The following BIRC6 variants were observed in gnomAD, a reference collection of about 807,000 sequenced individuals.
BIRC6 encodes baculoviral IAP repeat containing 6.
In BIRC6, 98 loss-of-function variants were observed where a neutral mutation model predicts 503.3. The ratio of observed to expected loss-of-function variants is 0.19; its 90% confidence interval spans 0.17 to 0.23. The LOEUF (loss-of-function observed/expected upper bound fraction) is 0.23. BIRC6 is among the 10% of genes least tolerant of loss of function. The pLI is 1.00. For missense variants in BIRC6, 5,360 were observed against 5,806.0 expected (o/e 0.92, Z 2.50); for synonymous variants, 2,240 against 2,078.7 (o/e 1.08, Z -2.11).
intron 65 of BIRC6, chr2:32,557,785 G>C (rs544347104): frequency 3.9e-5 from 6 of 152,182 alleles, no homozygotes; most frequent in Non-Finnish European, 8.8e-5. Context: ...AGTCAAGATA[G>C]ATTCTTCTTT....
intron 28 of BIRC6, 64 bp downstream of exon 28, chr2:32,468,175 T>C: frequency 1.3e-6 from 2 of 1,491,058 alleles, no homozygotes; most frequent in Admixed American, 3.9e-5. Flanking sequence ...GTCTTGCTTA[T>C]AATTCTGTCA....
At chr2:32,561,432 G>A in intron 65 of BIRC6, among the ~76,000 whole-genome samples, 1 of 151,398 alleles carries the variant, frequency 6.6e-6, no homozygotes, top group East Asian at 2.0e-4. Flanking sequence ...TAGAGGCTGG[G>A]TTTCACCATG....
intron 40 of BIRC6, among the ~76,000 whole-genome samples, chr2:32,486,740 A>G (rs1047849191): frequency 9.2e-5 from 14 of 152,170 alleles, no homozygotes; most frequent in Admixed American, 3.3e-4. Context: ...TCAGTCTGCA[A>G]TCTTCATTTG....
chr2:32,522,759 C>T (rs1339983547), intron 57 of BIRC6: 10 of 152,292 alleles, frequency 6.6e-5, no homozygotes, highest in South Asian at 2.1e-4. Flanking sequence ...TGCTACTTTT[C>T]GATAGTACCT....
At chr2:32,450,794 C>T (rs575794622) in intron 22 of BIRC6, among the ~76,000 whole-genome samples, 1 of 152,110 alleles carries the variant, frequency 6.6e-6, no homozygotes, top group Admixed American at 6.5e-5. Context: ...TACACACATC[C>T]TGCTGTGTGC....
rs745896919 is a variant in BIRC6 at position 32,508,130 on chromosome 2, G to A, written c.9851G>A (p.Arg3284His). 5.6e-6 allele frequency: 9 copies of A among 1,613,666 alleles called. No individual in the cohort carries two copies. The highest frequency in any genetic ancestry group is 7.6e-6 in the Non-Finnish European group (9 of 1,179,872). Residue 3284 changes from arginine (R) to histidine (H), a missense_variant, in exon 51 of 74, where the codon CGT becomes CAT. Around this residue, in one of 16 missense-constraint regions of BIRC6, gnomAD observed 62 missense variants for 107.4 expected, o/e 0.58. Transcript: ENST00000421745. ...VASAVCLRLHRPRDASTLGLS... is the reference protein window; with the variant it reads ...VASAVCLRLHHPRDASTLGLS... ...TCTGCTGTCTGCCTTAGACTACATCGTCCACGGGATGCCAGCACATTAGGC... is the reference window on the plus strand; with the variant it reads ...TCTGCTGTCTGCCTTAGACTACATCATCCACGGGATGCCAGCACATTAGGC...
At chr2:32,485,058 T>G (rs1404085672) in intron 39 of BIRC6, among the ~76,000 whole-genome samples, 2 of 152,228 alleles carry the variant, frequency 1.3e-5, no homozygotes, top group Non-Finnish European at 2.9e-5. Flanking sequence ...AATTAGTCAC[T>G]TCTTAAAGGA....
At chr2:32,598,577 T>A (rs181013934) in intron 69 of BIRC6, among the ~76,000 whole-genome samples, 5 of 152,164 alleles carry the variant, frequency 3.3e-5, no homozygotes, top group Non-Finnish European at 7.3e-5. Flanking sequence ...ATTCCAAGAG[T>A]CTGCTGCATC....
rs1375594738 is a variant in BIRC6 at position 32,505,139 on chromosome 2, A to G, written c.9634A>G (p.Ile3212Val). The change falls in exon 50 of 74, where the codon ATT (isoleucine) becomes GTT (valine). Residue 3212 changes from isoleucine (I) to valine (V), a missense_variant. By Grantham distance (29) the Ile-to-Val change is conservative. Around this residue, in one of 16 missense-constraint regions of BIRC6, gnomAD observed 267 missense variants for 287.6 expected, o/e 0.93. Transcript: ENST00000421745. ...AGAGGAGGCTTGGTGTGACCTTACC[A>G]TTCACCTTCCTGCAGCAGTGCTGCT... ...LPEEAWCDLT[I>V]HLPAAVLLKE... The G allele has an allele frequency of 3.1e-6, 5 of 1,603,618 alleles. No individual in the cohort carries two copies. The highest frequency in any genetic ancestry group is 2.2e-5 in the South Asian group (2 of 89,182).
intron 23 of BIRC6, among the ~76,000 whole-genome samples, chr2:32,455,152 G>T (rs962066244): frequency 6.6e-6 from 1 of 152,018 alleles, no homozygotes; most frequent in Admixed American, 6.6e-5. Flanking sequence ...GCCAAGGTGG[G>T]CGGATCATGA....
intron 66 of BIRC6, among the ~76,000 whole-genome samples, chr2:32,587,920 G>A (rs1194919396): frequency 1.3e-5 from 2 of 152,078 alleles, no homozygotes; most frequent in Non-Finnish European, 2.9e-5. Context: ...TTCTAGTCAC[G>A]TCTAATTACT....
chr2:32,497,293 G>A (rs2052591421), intron 45 of BIRC6, among the ~76,000 whole-genome samples: 1 of 152,214 alleles, frequency 6.6e-6, no homozygotes, highest in Admixed American at 6.5e-5. Flanking sequence ...ATCGGCATAT[G>A]CCACTACACC....
rs2054887003 is a variant in BIRC6, at chr2:32,515,085, A to G, written c.10664A>G (p.Asn3555Ser). The G allele has an allele frequency of 2.5e-6, 4 of 1,613,958 alleles. No homozygotes were observed. Among genetic ancestry groups the G allele is most frequent in the Admixed American group, 1.7e-5 (1 of 60,016 alleles). The change falls in exon 55 of 74, where the codon AAC becomes AGC. Residue 3555 changes from asparagine to serine, a missense_variant. Asn to Ser is a conservative substitution (Grantham distance 46). This residue lies in a region of BIRC6 where 878 missense variants were observed against 928.9 expected (regional missense o/e 0.95). Coordinates refer to ENST00000421745, the MANE Select transcript of BIRC6 (RefSeq NM_016252.4). ...TGCTCAATGTGTCACGTACACCCAA[A>G]CTATTTTTCTTTGCTCATGGGCTGG... ...LLCSMCHVHP[N>S]YFSLLMGWMG...
Position 32,429,271 on chromosome 2 carries a change from A to G in BIRC6, c.2998A>G (p.Asn1000Asp). 4 of 1,528,650 alleles carry G rather than the reference A, an allele frequency of 2.6e-6. No homozygotes were observed. The highest frequency in any genetic ancestry group is 2.5e-5 in the East Asian group (1 of 40,598). 94.7% of individuals were successfully genotyped at this position (1,528,650 alleles called of 1,614,324 possible). A position where few individuals can be genotyped will look rare whatever the true frequency, so the allele number is the denominator to read the frequency against. ...TTCAGAAGGTTCCAAACCTTTATCA[A>G]ATCCTTCAAGTCCTGGCATTTCAGG... ...PSSEGSKPLS[N>D]PSSPGISGVD... The change falls in exon 11 of 74, where the codon AAT becomes GAT. Residue 1000 changes from asparagine (N) to aspartate (D), a missense_variant. This residue lies in a region of BIRC6 where 700 missense variants were observed against 739.3 expected (regional missense o/e 0.95). Transcript: ENST00000421745.
intron 66 of BIRC6, among the ~76,000 whole-genome samples, chr2:32,588,619 T>C (rs2061213517): frequency 6.6e-6 from 1 of 152,194 alleles, no homozygotes; most frequent in Admixed American, 6.5e-5. Flanking sequence ...AAAGGATTTA[T>C]GCAGCAGTAC....
chr2:32,357,558 C>G lies in BIRC6; in HGVS notation c.325+72C>G. 1 of 1,502,432 alleles carries G rather than the reference C, an allele frequency of 6.7e-7. No individual in the cohort carries two copies. The highest frequency in any genetic ancestry group is 8.8e-7 in the Non-Finnish European group (1 of 1,130,198). The allele number at this position is 1,502,432 out of a possible 1,614,324, so 93.1% of individuals were successfully genotyped here. ...CGTCCAGCCCCGGGGCTCGGCCTCG[C>G]GACTCGGGGAAGCGAGATGGCGAGA... On this transcript the variant is annotated intron_variant, in intron 1 of 73. Transcript: ENST00000421745. This position sits in a 1 kb window ranked among gnomAD's most constrained non-coding sequence, Gnocchi z 4.9.
At chr2:32,364,308 T>G (rs761219373) in intron 1 of BIRC6, among the ~76,000 whole-genome samples, 2 of 152,112 alleles carry the variant, frequency 1.3e-5, no homozygotes, top group African/African-American at 2.4e-5. Flanking sequence ...TAGGCTGGAG[T>G]GCAATGGCGC....
At chr2:32,482,080 C>T (rs1465020887) in intron 38 of BIRC6, among the ~76,000 whole-genome samples, 7 of 152,194 alleles carry the variant, frequency 4.6e-5, no homozygotes, top group East Asian at 1.9e-4. Flanking sequence ...AAACTTCATC[C>T]GAGCTGTGTT....
intron 1 of BIRC6, among the ~76,000 whole-genome samples, chr2:32,360,920 A>G (rs1216418253): frequency 6.6e-6 from 1 of 151,530 alleles, no homozygotes; most frequent in African/African-American, 2.4e-5. Flanking sequence ...GTATATATTT[A>G]TTTATTATTA....
Sources: gnomAD v4.1 joint callset for allele counts (sites outside exome capture counted in the v4.1 genomes callset) on GRCh38, gnomAD v4.1.1 for gene constraint, gnomAD v4.1.1 regional missense constraint, Gnocchi (gnomAD v3.1) non-coding constraint, MANE v1.5 for transcripts, NCBI Gene and HGNC (gene_info 2026-07-23, HGNC 2026-07-21) for gene names.